CCDC18: variants seen among roughly 807,000 people sequenced by gnomAD.
CCDC18 encodes coiled-coil domain containing 18, also known as coiled-coil domain-containing protein 18.
In CCDC18, 157 loss-of-function variants were observed where a neutral mutation model predicts 196.0. The ratio of observed to expected loss-of-function variants is 0.80; its 90% CI spans 0.70 to 0.91. The LOEUF (loss-of-function observed/expected upper bound fraction) is 0.91. Among genes scored for constraint, CCDC18 ranks in the 40% least tolerant of loss-of-function variants. The probability of loss-of-function intolerance (pLI) is 0.00; values close to 1 mark genes in which losing one functional copy is unlikely to be tolerated. For synonymous variants in CCDC18, 482 were observed against 529.2 expected (o/e 0.91, Z 1.22); for missense variants, 1,465 against 1,611.6 (o/e 0.91, Z 1.56).
At chr1:93,218,769 A>G (rs956521017) in intron 14 of CCDC18, among the ~76,000 whole-genome samples, 1 of 151,272 alleles carries the variant, frequency 6.6e-6, no homozygotes, top group African/African-American at 2.4e-5. Context: ...CAGCCTCCCA[A>G]TGTGCCTGGC....
At chr1:93,199,449 ACAC>A (rs766706464) in intron 6 of CCDC18, among the ~76,000 whole-genome samples, 14,385 of 152,160 alleles carry the variant, frequency 0.095, 923 homozygotes, top group East Asian at 0.28. Flanking sequence ...AAGCTTGGAG[ACAC>A]CAGGAACCAC....
At chr1:93,226,301 T>G (rs767136999) in intron 16 of CCDC18, 32 bp from the exon 17 acceptor site, 23 of 792,656 alleles carry the variant, frequency 2.9e-5, no homozygotes, top group Middle Eastern at 5.2e-4. Flanking sequence ...GTTTTGTGTT[T>G]TTTTTTTTTT....
In CCDC18 at chr1:93,246,206, T is replaced by C. The variant is rs1661472165; in HGVS notation, c.3081+2T>C. On this transcript the variant is annotated splice_donor_variant, in intron 22 of 28. Transcript: ENST00000690025. LOFTEE classifies it high-confidence loss of function. Reference sequence around the variant, plus strand: ...GAACTAAAGCAAAGAGCAGCTCAGGTTGATTTTTCTTGATTATATTTTAAT... The same window carrying C: ...GAACTAAAGCAAAGAGCAGCTCAGGCTGATTTTTCTTGATTATATTTTAAT... 2 of 1,565,946 alleles carry C rather than the reference T, an allele frequency of 1.3e-6. No individual in the cohort carries two copies. Among genetic ancestry groups the C allele is most frequent in the African/African-American group, 1.4e-5 (1 of 72,954 alleles).
chr1:93,193,269 C>T (rs1652141922), intron 5 of CCDC18, among the ~76,000 whole-genome samples: 1 of 152,000 alleles, frequency 6.6e-6, no homozygotes, highest in South Asian at 2.1e-4. Flanking sequence ...TTCATATTTG[C>T]TTTTTGCAGT....
intron 9 of CCDC18, among the ~76,000 whole-genome samples, chr1:93,207,690 A>G (rs902546829): frequency 2.0e-5 from 3 of 152,112 alleles, no homozygotes; most frequent in African/African-American, 7.2e-5. Context: ...GTACTAATCT[A>G]TGATTTTTAG....
chr1:93,254,446 T>C lies in CCDC18; in HGVS notation c.3199-25T>C, dbSNP rs570672095. 4.0e-6 allele frequency: 6 copies of C among 1,496,162 alleles called. No individual in the cohort carries two copies. The East Asian group carries it at 1.1e-4, about 28-fold the overall frequency. The allele number at this position is 1,496,162 out of a possible 1,614,324, so 92.7% of individuals were successfully genotyped here. A position where few individuals can be genotyped will look rare whatever the true frequency, so the allele number is the denominator to read the frequency against. ...AATTACATTTCATTAATTTTACTGA[T>C]ACTGCTTATCTGTTTAAAATTCAGA... On this transcript the variant is annotated intron_variant, in intron 23 of 28. Transcript: ENST00000690025.
At chr1:93,240,244 A>ACAT (rs2100838659) in intron 21 of CCDC18, among the ~76,000 whole-genome samples, 1 of 152,328 alleles carries the variant, frequency 6.6e-6, no homozygotes, top group East Asian at 1.9e-4. Context: ...TTCACATATG[A>ACAT]TCTCACTCAT....
intron 7 of CCDC18, 50 bp downstream of exon 7, chr1:93,202,038 C>T (rs1193623824): frequency 1.9e-6 from 2 of 1,026,424 alleles, no homozygotes; most frequent in Non-Finnish European, 1.5e-6. Flanking sequence ...GTCTATATTC[C>T]AACAGTAAAG....
intron 12 of CCDC18, 147 bp from the exon 13 acceptor site, chr1:93,216,489 C>T: frequency 2.3e-6 from 1 of 437,890 alleles, no homozygotes; most frequent in Admixed American, 4.5e-5. Flanking sequence ...ATTCACTTTG[C>T]ATCCTAAATG....
intron 21 of CCDC18, among the ~76,000 whole-genome samples, chr1:93,244,324 C>T (rs1570543068): frequency 6.6e-6 from 1 of 152,166 alleles, no homozygotes; most frequent in East Asian, 1.9e-4. Context: ...AATTCAAGAT[C>T]AGATTTGGGT....
At chr1:93,272,534 A>C (rs1665358676) in intron 28 of CCDC18, among the ~76,000 whole-genome samples, 1 of 150,952 alleles carries the variant, frequency 6.6e-6, no homozygotes, top group Non-Finnish European at 1.5e-5. Flanking sequence ...ATGTATTTCA[A>C]GGAGGGTGAG....
chr1:93,204,963 G>T, intron 7 of CCDC18, among the ~76,000 whole-genome samples: 1 of 151,868 alleles, frequency 6.6e-6, no homozygotes, highest in East Asian at 1.9e-4. Context: ...TATGGAGAAG[G>T]AGAGAAGAAT....
chr1:93,270,261 C>A, intron 27 of CCDC18, 86 bp from the exon 28 acceptor site: 1 of 765,472 alleles, frequency 1.3e-6, no homozygotes, highest in Non-Finnish European at 2.1e-6. Flanking sequence ...CAAAGGTTGA[C>A]TTTCTAAAAG....
At chr1:93,234,934 AGAGT>A (rs1398800038) in intron 18 of CCDC18, among the ~76,000 whole-genome samples, 3 of 67,852 alleles carry the variant, frequency 4.4e-5, no homozygotes, top group Admixed American at 1.3e-4. Context: ...TGCCCAGCTA[AGAGT>A]GTGTGTGTGT....
At chr1:93,207,477 T>C (rs1654891180) in intron 9 of CCDC18, 79 bp downstream of exon 9, 1 of 1,005,434 alleles carries the variant, frequency 9.9e-7, no homozygotes, top group Non-Finnish European at 1.4e-6. Flanking sequence ...TTGTGGTTGC[T>C]TTATTAGCTT....
intron 3 of CCDC18, among the ~76,000 whole-genome samples, chr1:93,185,259 T>C (rs1650444373): frequency 6.6e-6 from 1 of 151,918 alleles, no homozygotes; most frequent in Non-Finnish European, 1.5e-5. Context: ...TACGGGTACA[T>C]TGCCTAGTGG....
intron 24 of CCDC18, 122 bp downstream of exon 24, chr1:93,254,736 GTTTT>G: frequency 2.2e-6 from 2 of 923,656 alleles, no homozygotes; most frequent in South Asian, 2.9e-5. Context: ...TTTTAGGCTA[GTTTT>G]TTGTGCCAGA....
At position 93,256,417 on chromosome 1, in the gene CCDC18, A is replaced by G. The variant is rs1295857002; in HGVS notation, c.3425A>G (p.Glu1142Gly). Residue 1142 changes from glutamate to glycine, a missense_variant, in exon 25 of 29, where the codon GAG (glutamate) becomes GGG (glycine). Glu to Gly is a moderately conservative substitution (Grantham distance 98, BLOSUM62 -2). Transcript: ENST00000690025. Reference protein sequence around the residue: ...DLGQELRLTREQVQNSHTELA... With the variant: ...DLGQELRLTRGQVQNSHTELA... ...GGGCAAGAATTGAGGCTGACCCGGG[A>G]GCAGGTGCAGAACTCTCATACAGAA... 3 of 1,614,128 alleles carry G rather than the reference A, an allele frequency of 1.9e-6. No homozygotes were observed. The highest frequency in any genetic ancestry group is 1.7e-6 in the Non-Finnish European group (2 of 1,179,994).
At chr1:93,276,227 C>T (rs1665614569) in intron 28 of CCDC18, among the ~76,000 whole-genome samples, 1 of 152,222 alleles carries the variant, frequency 6.6e-6, no homozygotes. Context: ...AGCCCAAATA[C>T]TATTTTCCTA....
Sources: gnomAD v4.1 joint callset for allele counts (sites outside exome capture counted in the v4.1 genomes callset) on GRCh38, gnomAD v4.1.1 for gene constraint, MANE v1.5 for transcripts, NCBI Gene and HGNC (gene_info 2026-07-23, HGNC 2026-07-21) for gene names.